F11: variants seen among roughly 807,000 people sequenced by gnomAD.
F11 encodes coagulation factor XI, also known as coagualtion factor XI.
F11 carries 78 observed loss-of-function variants against 76.5 expected under a neutral mutation model. The observed-to-expected ratio is 1.02, with a 90% CI of 0.85 to 1.23. The LOEUF (loss-of-function observed/expected upper bound fraction) is 1.23, where lower values mean the gene tolerates loss of function less well. F11 is among the 50% of genes most tolerant of loss of function. The pLI, the probability that F11 is intolerant of heterozygous loss-of-function variation, is 0.00. For synonymous variants in F11, 278 were observed against 276.3 expected (o/e 1.01, Z -0.06); for missense variants, 742 against 771.4 (o/e 0.96, Z 0.45).
Position 186,274,456 on chromosome 4 carries a change from T to C in F11, c.485+181T>C, listed in dbSNP as rs4253410. 26,509 of 726,728 alleles carry C rather than the reference T, an allele frequency of 0.036. 1,024 individuals carry two copies. Among genetic ancestry groups the C allele is most frequent in the African/African-American group, 0.15 (8,454 of 56,568 alleles). The allele number at this position is 726,728 out of a possible 1,614,324, so 45.0% of individuals were successfully genotyped here. On this transcript the variant is annotated intron_variant, in intron 5 of 14. Transcript: ENST00000403665. ...TAAAGCCTAATTTGGATGCATTTCA[T>C]TTATGGTAAGGAGTCTATCTTTTAA... is the stretch of plus-strand genomic sequence containing the variant.
chr4:186,278,111 T>C (rs375291776), intron 7 of F11, among the ~76,000 whole-genome samples: 1 of 152,248 alleles, frequency 6.6e-6, no homozygotes, highest in South Asian at 2.1e-4. Flanking sequence ...CTATTCCTCA[T>C]TGACAACATT....
At chr4:186,278,391 A>C (rs1250267668) in intron 7 of F11, among the ~76,000 whole-genome samples, 1 of 152,174 alleles carries the variant, frequency 6.6e-6, no homozygotes, top group Non-Finnish European at 1.5e-5. Context: ...CTTACTAAAC[A>C]AATTTAGTAG....
chr4:186,286,089 G>A (rs1003149389), intron 12 of F11: 1 of 542,074 alleles, frequency 1.8e-6, no homozygotes, highest in Admixed American at 3.2e-5. Context: ...GAATAGTAAA[G>A]ATAATTTAGT....
chr4:186,288,743 T>A lies in F11; in HGVS notation c.*129T>A. 2 of 1,061,886 alleles carry A rather than the reference T, an allele frequency of 1.9e-6. No homozygotes were observed. The highest frequency in any genetic ancestry group is 2.8e-6 in the Non-Finnish European group (2 of 708,000). 65.8% of individuals were successfully genotyped at this position (1,061,886 alleles called of 1,614,324 possible). A position where few individuals can be genotyped will look rare whatever the true frequency, so the allele number is the denominator to read the frequency against. The stretch of plus-strand genomic sequence containing the variant: ...AAGGGGCTTGGTGTTTGTAAGAAAA[T>A]GCTAGAAGAAAACAAACTGTCACAA... On this transcript the variant is annotated 3_prime_UTR_variant, in exon 15 of 15. Coordinates refer to ENST00000403665, the MANE Select transcript of F11 (RefSeq NM_000128.4).
chr4:186,287,884 T>A, intron 14 of F11, 61 bp downstream of exon 14: 3 of 1,566,012 alleles, frequency 1.9e-6, no homozygotes, highest in Non-Finnish European at 1.7e-6. Context: ...TGCGTTGGGG[T>A]TTTTTTGTTT....
At chr4:186,282,776 T>C in intron 10 of F11, 3 of 985,396 alleles carry the variant, frequency 3.0e-6, no homozygotes, top group Non-Finnish European at 3.6e-6. Flanking sequence ...CTGTTCAGGC[T>C]TCCGAAGTCA....
rs184660386 is a variant in F11 at position 186,267,206 on chromosome 4, A to G, written c.55+15A>G. 4.1e-6 allele frequency: 6 copies of G among 1,467,424 alleles called. No homozygotes were observed. The highest frequency in any genetic ancestry group is 1.4e-5 in the African/African-American group (1 of 72,086). 90.9% of individuals were successfully genotyped at this position (1,467,424 alleles called of 1,614,324 possible). ...AGTTTCTGGTGGTAAGTAGAGTGTT[A>G]TCTTAACTATGGGCTGGGAGAGGGA... On this transcript the variant is annotated intron_variant, in intron 2 of 14. Transcript: ENST00000403665.
intron 3 of F11, 194 bp from the exon 4 acceptor site, chr4:186,272,877 T>C: frequency 1.8e-6 from 1 of 540,920 alleles, no homozygotes; most frequent in Non-Finnish European, 3.3e-6. Context: ...AAAGGAGTAT[T>C]ACATGCAGTC....
At chr4:186,276,191 T>C (rs1303915115) in intron 6 of F11, 40 bp from the exon 7 acceptor site, 2 of 1,613,360 alleles carry the variant, frequency 1.2e-6, no homozygotes. Context: ...TCCTGATAGC[T>C]GGTGAATTGA....
rs910887174 is a variant in F11, at chr4:186,276,334, T to C, written c.699T>C (p.His233=). Residue 233 remains histidine (H), a synonymous_variant, in exon 7 of 15, where the codon CAT becomes CAC. Transcript: ENST00000403665. ...AFVCGRICTH[H]PGCLFFTFFS... ...TCTGTGGCCGAATCTGCACTCATCA[T>C]CCCGGTTGCTTGTTTTTTACCTTCT... The C allele has an allele frequency of 6.2e-7, 1 of 1,613,998 alleles. No individual in the cohort carries two copies. The highest frequency in any genetic ancestry group is 1.3e-5 in the African/African-American group (1 of 74,894).
At chr4:186,271,874 C>T in intron 3 of F11, 103 bp downstream of exon 3, 2 of 1,273,770 alleles carry the variant, frequency 1.6e-6, no homozygotes, top group South Asian at 2.4e-5. Context: ...ACATTAACAA[C>T]TGGAAGATAA....
At chr4:186,272,533 C>A (rs1163292042) in intron 3 of F11, among the ~76,000 whole-genome samples, 1 of 152,172 alleles carries the variant, frequency 6.6e-6, no homozygotes, top group African/African-American at 2.4e-5. Context: ...ATAAGCCTTT[C>A]TGTAGAATTA....
At chr4:186,286,708 A>G (rs915291937) in intron 13 of F11, 198 bp downstream of exon 13, 2 of 985,338 alleles carry the variant, frequency 2.0e-6, no homozygotes, top group Non-Finnish European at 2.4e-6. Flanking sequence ...TTTAAATGTG[A>G]CTAAATCTCT....
At chr4:186,270,001 A>T (rs1739814430) in intron 2 of F11, among the ~76,000 whole-genome samples, 1 of 152,198 alleles carries the variant, frequency 6.6e-6, no homozygotes, top group African/African-American at 2.4e-5. Context: ...TAGGACAAGA[A>T]TACTTCCCAT....
At chr4:186,284,575 G>GAA (rs1741049912) in intron 11 of F11, among the ~76,000 whole-genome samples, 1 of 152,006 alleles carries the variant, frequency 6.6e-6, no homozygotes, top group Non-Finnish European at 1.5e-5. Flanking sequence ...ACTGTGCCCG[G>GAA]AACTAAACTC....
At chr4:186,285,002 T>C (rs1741077355) in intron 11 of F11, among the ~76,000 whole-genome samples, 1 of 152,136 alleles carries the variant, frequency 6.6e-6, no homozygotes, top group Non-Finnish European at 1.5e-5. Context: ...TCACATTGGA[T>C]TCCTTACTTA....
rs281875244 is a variant in F11 at position 186,271,741 on chromosome 4, C to T, written c.188C>T (p.Ala63Val). Residue 63 changes from alanine (A) to valine (V), a missense_variant, in exon 3 of 15, where the codon GCG becomes GTG. By Grantham distance (64) the Ala-to-Val change is moderately conservative. Coordinates refer to ENST00000403665, the MANE Select transcript of F11 (RefSeq NM_000128.4). ...HPRCLLFTFT[A>V]ESPSEDPTRW... is the part of the protein sequence containing the mutation. The stretch of plus-strand genomic sequence containing the variant: ...AGATGTTTACTCTTCACTTTCACGG[C>T]GGAATCACCATCTGAGGATCCCACC... 4.3e-6 allele frequency: 7 copies of T among 1,614,022 alleles called. No individual in the cohort carries two copies. The highest frequency in any genetic ancestry group is 2.7e-5 in the African/African-American group (2 of 74,910).
rs746070798 is a variant in F11 at position 186,288,560 on chromosome 4, C to G, written c.1824C>G (p.Tyr608Ter). The G allele has an allele frequency of 6.2e-7, 1 of 1,614,142 alleles. No individual in the cohort carries two copies. The highest frequency in any genetic ancestry group is 1.1e-5 in the South Asian group (1 of 91,070). Residue 608 changes from tyrosine (Y) to a stop codon, truncating the protein, a stop_gained, in exon 15 of 15, where the codon TAC becomes TAG. Coordinates refer to ENST00000403665, the MANE Select transcript of F11 (RefSeq NM_000128.4). LOFTEE classifies it high-confidence loss of function. Reference protein sequence around the residue: ...GCAQRERPGVYTNVVEYVDWI... With the variant: ...GCAQRERPGV ...CTCAAAGGGAGCGGCCAGGTGTTTA[C>G]ACCAACGTGGTCGAGTACGTGGACT...
At chr4:186,285,941 G>A (rs1173510728) in intron 12 of F11, 128 bp downstream of exon 12, 2 of 1,035,590 alleles carry the variant, frequency 1.9e-6, no homozygotes, top group East Asian at 2.5e-5. Context: ...GAGAGGGCCT[G>A]GAATGCTAGT....
Sources: gnomAD v4.1 joint callset for allele counts (sites outside exome capture counted in the v4.1 genomes callset) on GRCh38, gnomAD v4.1.1 for gene constraint, MANE v1.5 for transcripts, NCBI Gene and HGNC (gene_info 2026-07-23, HGNC 2026-07-21) for gene names.